Variants in POLR2F observed in about 807,000 individuals in gnomAD.
POLR2F encodes DNA-directed RNA polymerases I, II, and III subunit RPABC2.
In POLR2F, 12 loss-of-function variants were observed where a neutral mutation model predicts 22.7. The ratio of observed to expected loss-of-function variants is 0.53; its 90% CI spans 0.34 to 0.86. POLR2F has a LOEUF of 0.86. Ranked by LOEUF, POLR2F falls within the 40% of genes least tolerant of loss-of-function variation. POLR2F has a pLI of 0.02. For synonymous variants in POLR2F, 57 were observed against 66.0 expected, an observed-to-expected ratio of 0.86 and a Z score of 0.66; for missense variants, 126 against 171.5, an observed-to-expected ratio of 0.73 and a Z score of 1.48.
chr22:38,038,259 C>T (rs570046209), intron 5 of POLR2F, among the ~76,000 whole-genome samples: 1 of 152,294 alleles, frequency 6.6e-6, no homozygotes, highest in African/African-American at 2.4e-5. Flanking sequence ...GGCCCTGGAA[C>T]CAGGACCAGC....
chr22:37,983,243 A>G, upstream of POLR2F: 1 of 1,257,492 alleles, frequency 8.0e-7, no homozygotes, highest in Non-Finnish European at 1.1e-6. The surrounding 1 kb of genome is among the most constrained non-coding windows in gnomAD (Gnocchi z 9.5). Flanking sequence ...AGCCCTATCC[A>G]AGGAGGACTG....
At chr22:37,977,577 C>T (rs527960271) in intron 4 of POLR2F, among the ~76,000 whole-genome samples, 2 of 152,212 alleles carry the variant, frequency 1.3e-5, no homozygotes, top group East Asian at 3.9e-4. Flanking sequence ...TCCTCGGCCT[C>T]CCAAAGTGCT....
intron 1 of POLR2F, among the ~76,000 whole-genome samples, chr22:38,000,870 G>A (rs896275461): frequency 6.6e-5 from 10 of 152,174 alleles, no homozygotes; most frequent in Admixed American, 6.6e-4. Flanking sequence ...TGGTGACCTT[G>A]GCATTCATTA....
At chr22:38,004,002 G>GA (rs1162345031) in intron 1 of POLR2F, among the ~76,000 whole-genome samples, 2 of 151,878 alleles carry the variant, frequency 1.3e-5, no homozygotes, top group Non-Finnish European at 2.9e-5. Context: ...ATACTGTTTT[G>GA]TTTTTTAGAT....
Position 37,968,372 on chromosome 22 carries a change from C to T in POLR2F, c.*657C>T, listed in dbSNP as rs575133789. On this transcript the variant is annotated 3_prime_UTR_variant, in exon 5 of 5. Transcript: ENST00000442738. The stretch of plus-strand genomic sequence containing the variant: ...TCCTCCTCAGGACTCTGCCCACACG[C>T]TGTCCTCTGTGGCCCACCTCTTTGG... The T allele has an allele frequency of 2.0e-6, 2 of 985,826 alleles. No individual in the cohort carries two copies. The highest frequency in any genetic ancestry group is 4.7e-5 in the South Asian group (1 of 21,294). The allele number at this position is 985,826 out of a possible 1,614,324, so 61.1% of individuals were successfully genotyped here. A position where few individuals can be genotyped will look rare whatever the true frequency, so the allele number is the denominator to read the frequency against.
At position 37,997,643 on chromosome 22, in the gene POLR2F, A is replaced by G. The variant is rs571824623; in HGVS notation, c.120+11331A>G. On this transcript the variant is annotated intron_variant, in intron 1 of 2. Transcript: ENST00000333418. The surrounding 1 kb of genome is among the most constrained non-coding windows in gnomAD (Gnocchi z 4.4). ...CCTGCAGTCTTCCCCACCTGGCTCCAGCCTACCTTCCCCAGGACACCCGGC... is the reference window on the plus strand; with the variant it reads ...CCTGCAGTCTTCCCCACCTGGCTCCGGCCTACCTTCCCCAGGACACCCGGC... Among the ~76,000 whole-genome samples, 1 of 152,142 alleles carries G rather than the reference A, an allele frequency of 6.6e-6. No individual in the cohort carries two copies. The highest frequency in any genetic ancestry group is 1.9e-4 in the East Asian group (1 of 5,150).
In POLR2F at chr22:37,978,242, C is replaced by T. The variant is rs112969584; in HGVS notation, c.293+11072C>T. 157 of 1,264,434 alleles carry T rather than the reference C, an allele frequency of 1.2e-4. No homozygotes were observed. In the African/African-American group the frequency reaches 2.1e-3, roughly 17 times the overall value. 78.3% of individuals were successfully genotyped at this position (1,264,434 alleles called of 1,614,324 possible). On this transcript the variant is annotated intron_variant, in intron 4 of 4. Transcript: ENST00000405557. This position sits in a 1 kb window ranked among gnomAD's most constrained non-coding sequence, Gnocchi z 5.0. The stretch of plus-strand genomic sequence containing the variant: ...TGTCCATCTTGGAAGATGTGAGGCC[C>T]TGGGATGGGGCACCCAGAGGACAGG...
upstream of POLR2F, chr22:37,983,642 G>A (rs1244786630): frequency 1.3e-6 from 2 of 1,599,826 alleles, no homozygotes; most frequent in Admixed American, 1.7e-5. The surrounding 1 kb of genome is among the most constrained non-coding windows in gnomAD (Gnocchi z 9.5). Flanking sequence ...CAGCTCGCCT[G>A]GCCCCGGGCT....
chr22:37,962,985 C>T (rs554107354), intron 3 of POLR2F, among the ~76,000 whole-genome samples: 65 of 145,570 alleles, frequency 4.5e-4, no homozygotes, highest in Non-Finnish European at 8.7e-4. Context: ...CCACTGCGCC[C>T]AGCCTATTTA....
At chr22:37,983,122 GCGC>G (rs1312461485), upstream of POLR2F, among the ~76,000 whole-genome samples, 3 of 152,238 alleles carry the variant, frequency 2.0e-5, no homozygotes, top group Non-Finnish European at 4.4e-5. This position sits in a 1 kb window ranked among gnomAD's most constrained non-coding sequence, Gnocchi z 9.5. Context: ...CCACGAGGGG[GCGC>G]CTTCCTGCCC....
At chr22:38,027,315 A>T (rs116687073), downstream of POLR2F, among the ~76,000 whole-genome samples, 1 of 152,192 alleles carries the variant, frequency 6.6e-6, no homozygotes, top group African/African-American at 2.4e-5. Context: ...TTCTCACAGG[A>T]TGTGACTGTG....
intron 4 of POLR2F, among the ~76,000 whole-genome samples, chr22:37,979,469 C>G (rs1292555585): frequency 1.3e-5 from 2 of 151,968 alleles, no homozygotes; most frequent in African/African-American, 4.8e-5. Flanking sequence ...ACTCTTAACT[C>G]TGGGTCCTGA....
intron 1 of POLR2F, among the ~76,000 whole-genome samples, chr22:37,995,812 C>G (rs572043000): frequency 1.3e-5 from 2 of 150,114 alleles, no homozygotes; most frequent in African/African-American, 2.5e-5. Context: ...GTTATCATGG[C>G]GAAACCCCAT....
At chr22:38,041,037 G>A in intron 5 of POLR2F, 1 of 1,612,858 alleles carries the variant, frequency 6.2e-7, no homozygotes. Flanking sequence ...AAGGAAGACG[G>A]CACCGTAGTT....
rs145277107 is a variant in POLR2F at position 38,031,689 on chromosome 22, C to T, written c.453-9379C>T. ...CCTCACGTGTGACCCTGGTGACCTCCGAAGGTTGCTTCCAGCCTGAAAGTG... is the reference window on the plus strand; with the variant it reads ...CCTCACGTGTGACCCTGGTGACCTCTGAAGGTTGCTTCCAGCCTGAAAGTG... On this transcript the variant is annotated intron_variant, in intron 5 of 5. Transcript: ENST00000407936. The surrounding 1 kb of genome is among the most constrained non-coding windows in gnomAD (Gnocchi z 4.1). 4.1e-3 allele frequency among the ~76,000 whole-genome samples: 626 copies of T among 152,254 alleles called. 6 individuals carry two copies. The highest frequency in any genetic ancestry group is 0.015 in the African/African-American group (605 of 41,528).
chr22:38,031,669 C>T (rs1490833582), downstream of POLR2F, among the ~76,000 whole-genome samples: 1 of 152,154 alleles, frequency 6.6e-6, no homozygotes, highest in Non-Finnish European at 1.5e-5. This position sits in a 1 kb window ranked among gnomAD's most constrained non-coding sequence, Gnocchi z 4.1. Flanking sequence ...CACTTCCTCA[C>T]GTGTGACCCT....
In POLR2F at chr22:37,997,827, T is replaced by A. The variant is rs1479655905; in HGVS notation, c.120+11515T>A. 1.3e-5 allele frequency among the ~76,000 whole-genome samples: 2 copies of A among 152,150 alleles called. No homozygotes were observed. The highest frequency in any genetic ancestry group is 2.9e-5 in the Non-Finnish European group (2 of 68,018). Reference sequence around the variant, plus strand: ...CCTCCTGTGAGCCCACAGCTCACCGTCTGTCGAGGGGGGACAGGCAGGAGG... The same window carrying A: ...CCTCCTGTGAGCCCACAGCTCACCGACTGTCGAGGGGGGACAGGCAGGAGG... On this transcript the variant is annotated intron_variant, in intron 1 of 2. Transcript: ENST00000333418. This position sits in a 1 kb window ranked among gnomAD's most constrained non-coding sequence, Gnocchi z 4.4.
At chr22:38,009,265 C>A (rs2084851364) in intron 1 of POLR2F, among the ~76,000 whole-genome samples, 1 of 152,190 alleles carries the variant, frequency 6.6e-6, no homozygotes, top group Admixed American at 6.5e-5. Flanking sequence ...TTCAGCAGAG[C>A]AGAGATGTGC....
At chr22:38,025,370 GCA>G (rs1263352133) in intron 1 of POLR2F, among the ~76,000 whole-genome samples, 1 of 151,634 alleles carries the variant, frequency 6.6e-6, no homozygotes, top group African/African-American at 2.4e-5. Context: ...ACACACACAC[GCA>G]CAGTCATACA....
Sources: gnomAD v4.1 joint callset for allele counts (sites outside exome capture counted in the v4.1 genomes callset) on GRCh38, gnomAD v4.1.1 for gene constraint, Gnocchi (gnomAD v3.1) non-coding constraint, MANE v1.5 for transcripts, NCBI Gene and HGNC (gene_info 2026-07-23, HGNC 2026-07-21) for gene names.